The following ATP8B4 variants were observed in gnomAD, a reference collection of about 807,000 sequenced individuals.
ATP8B4 encodes the protein ATPase phospholipid transporting 8B4 (putative).
ATP8B4 carries 133 observed loss-of-function variants against 145.6 expected under a neutral mutation model. The ratio of observed to expected loss-of-function variants is 0.91; its 90% confidence interval spans 0.79 to 1.05. The LOEUF is 1.05. Among genes scored for constraint, ATP8B4 ranks in the 50% least tolerant of loss-of-function variants. The pLI, the probability that ATP8B4 is intolerant of heterozygous loss-of-function variation, is 0.00. For synonymous variants in ATP8B4, 507 were observed against 492.9 expected, an observed-to-expected ratio of 1.03 and a Z score of -0.38; for missense variants, 1,458 against 1,425.2, an observed-to-expected ratio of 1.02 and a Z score of -0.37.
At chr15:50,029,113 G>T (rs540647668) in intron 6 of ATP8B4, among the ~76,000 whole-genome samples, 1 of 151,582 alleles carries the variant, frequency 6.6e-6, no homozygotes, top group East Asian at 1.9e-4. Context: ...CACGCCTGTA[G>T]TCCCAGCTAC....
intron 9 of ATP8B4, among the ~76,000 whole-genome samples, chr15:49,992,520 G>A (rs1037742967): frequency 9.2e-5 from 14 of 152,242 alleles, no homozygotes; most frequent in African/African-American, 3.4e-4. Flanking sequence ...AAAGTGAGGA[G>A]GCAGAGAGAC....
chr15:50,060,624 C>A (rs1038745717), intron 3 of ATP8B4, among the ~76,000 whole-genome samples: 2 of 152,136 alleles, frequency 1.3e-5, no homozygotes, highest in Non-Finnish European at 2.9e-5. Flanking sequence ...CAATTAAATA[C>A]TTTCCCCGCC....
At chr15:49,983,699 C>A (rs1237687742) in intron 10 of ATP8B4, among the ~76,000 whole-genome samples, 1 of 152,214 alleles carries the variant, frequency 6.6e-6, no homozygotes. Context: ...TGAAAACTTA[C>A]AATGGCGTCC....
Position 50,019,380 on chromosome 15 carries a change from G to C in ATP8B4, c.363-8463C>G, listed in dbSNP as rs555863648. Among the ~76,000 whole-genome samples the C allele has an allele frequency of 3.3e-5, 5 of 152,218 alleles. No homozygotes were observed. In the East Asian group the frequency reaches 7.7e-4, roughly 23 times the overall value. On this transcript the variant is annotated intron_variant, in intron 6 of 27. Transcript: ENST00000284509. ...CCGGCTCTTATCAACCCCTCAGAAT[G>C]TCTTTATTCAGAAAACTGAGGTCTT...
rs2040419348 is a variant in ATP8B4, at chr15:49,923,299, T to C, written c.1758+80A>G. 4 of 944,712 alleles carry C rather than the reference T, an allele frequency of 4.2e-6. No individual in the cohort carries two copies. In the Admixed American group the frequency reaches 9.3e-5, roughly 22 times the overall value. 58.5% of individuals were successfully genotyped at this position (944,712 alleles called of 1,614,324 possible). A position where few individuals can be genotyped will look rare whatever the true frequency, so the allele number is the denominator to read the frequency against. On this transcript the variant is annotated intron_variant, in intron 17 of 27. Coordinates refer to ENST00000284509, the MANE Select transcript of ATP8B4 (RefSeq NM_024837.4). Reference sequence around the variant, plus strand: ...TATTTCAGTAGTCAAATCATCTAGCTGCTATTTTTTTTAAACAAGACCTAA... The same window carrying C: ...TATTTCAGTAGTCAAATCATCTAGCCGCTATTTTTTTTAAACAAGACCTAA...
intron 6 of ATP8B4, 144 bp from the exon 7 acceptor site, chr15:50,011,061 A>T (rs1215934503): frequency 1.9e-6 from 1 of 536,552 alleles, no homozygotes; most frequent in African/African-American, 2.0e-5. Flanking sequence ...GTCTTACATT[A>T]ACACGGGAAC....
intron 1 of ATP8B4, among the ~76,000 whole-genome samples, chr15:50,113,767 A>C (rs2057059834): frequency 7.2e-6 from 1 of 139,408 alleles, no homozygotes; most frequent in Non-Finnish European, 1.5e-5. Context: ...TGAGCCCGGG[A>C]GGCAGAGGTT....
intron 3 of ATP8B4, among the ~76,000 whole-genome samples, chr15:50,067,389 C>T (rs1319204092): frequency 2.0e-5 from 3 of 152,136 alleles, no homozygotes; most frequent in Non-Finnish European, 4.4e-5. Context: ...CATACTGTCA[C>T]TTCTCTTAGC....
intron 1 of ATP8B4, among the ~76,000 whole-genome samples, chr15:50,138,161 G>A (rs186208371): frequency 1.3e-5 from 2 of 152,216 alleles, no homozygotes; most frequent in African/African-American, 2.4e-5. Flanking sequence ...GCACTGCAGT[G>A]TATCAAACAC....
At chr15:50,145,662 A>T (rs560793407) in intron 1 of ATP8B4, among the ~76,000 whole-genome samples, 2 of 152,102 alleles carry the variant, frequency 1.3e-5, no homozygotes, top group Non-Finnish European at 2.9e-5. Flanking sequence ...CACTCTCACC[A>T]TGTCTTTTTT....
chr15:50,132,343 C>T (rs2044059155), intron 1 of ATP8B4, among the ~76,000 whole-genome samples: 3 of 152,006 alleles, frequency 2.0e-5, no homozygotes, highest in Non-Finnish European at 4.4e-5. Context: ...CTTATGCAAC[C>T]AACAAACATG....
chr15:50,166,514 T>C (rs1369138879), intron 1 of ATP8B4, among the ~76,000 whole-genome samples: 2 of 152,316 alleles, frequency 1.3e-5, no homozygotes, highest in African/African-American at 2.4e-5. Flanking sequence ...GCCTTATTTA[T>C]AGTGACGATG....
intron 3 of ATP8B4, among the ~76,000 whole-genome samples, chr15:50,063,975 C>T (rs1287931418): frequency 6.6e-6 from 1 of 152,012 alleles, no homozygotes; most frequent in East Asian, 1.9e-4. Flanking sequence ...ATTAAAACTA[C>T]CCAAAGAAAG....
chr15:50,103,010 A>G (rs1200859475), intron 2 of ATP8B4, among the ~76,000 whole-genome samples: 3 of 152,202 alleles, frequency 2.0e-5, no homozygotes, highest in African/African-American at 4.8e-5. Flanking sequence ...TCATCTCAAT[A>G]GATGCAGAAA....
At chr15:50,111,992 C>G (rs533285225) in intron 1 of ATP8B4, among the ~76,000 whole-genome samples, 4 of 151,978 alleles carry the variant, frequency 2.6e-5, no homozygotes, top group Admixed American at 6.6e-5. Flanking sequence ...AATTGTGAGA[C>G]CTGGTCTCTA....
chr15:49,953,170 G>A (rs542238466), intron 14 of ATP8B4, among the ~76,000 whole-genome samples: 2 of 152,080 alleles, frequency 1.3e-5, no homozygotes, highest in African/African-American at 4.8e-5. Flanking sequence ...AACCCCTGTT[G>A]AAGGGTCTCG....
chr15:50,058,443 G>T (rs1343737296), intron 3 of ATP8B4, among the ~76,000 whole-genome samples: 1 of 152,202 alleles, frequency 6.6e-6, no homozygotes. Context: ...CAAGACCTCA[G>T]TGTTTACAAC....
intron 1 of ATP8B4, among the ~76,000 whole-genome samples, chr15:50,112,208 G>A (rs1399307499): frequency 6.6e-6 from 1 of 152,164 alleles, no homozygotes; most frequent in African/African-American, 2.4e-5. Context: ...AGGAGCCAGG[G>A]CAGTTGAGGA....
intron 3 of ATP8B4, among the ~76,000 whole-genome samples, chr15:50,073,019 T>TATATACACACACACACACAC (rs1455088682): frequency 3.1e-5 from 1 of 32,436 alleles, no homozygotes; most frequent in African/African-American, 1.4e-4. Context: ...TATATATATA[T>TATATACACACACACACACAC]ACACACACAC....
Sources: gnomAD v4.1 joint callset for allele counts (sites outside exome capture counted in the v4.1 genomes callset) on GRCh38, gnomAD v4.1.1 for gene constraint, MANE v1.5 for transcripts, NCBI Gene and HGNC (gene_info 2026-07-23, HGNC 2026-07-21) for gene names.